GDPD4: variants seen among roughly 807,000 people sequenced by gnomAD.
GDPD4 encodes glycerophosphodiester phosphodiesterase 6.
GDPD4 carries 60 observed loss-of-function variants against 67.8 expected under a neutral mutation model. The ratio of observed to expected loss-of-function variants is 0.88; its 90% CI spans 0.72 to 1.10. The LOEUF (loss-of-function observed/expected upper bound fraction) is 1.10. Ranked by LOEUF, GDPD4 falls within the 50% of genes least tolerant of loss-of-function variation. GDPD4 has a pLI of 0.00. For synonymous variants in GDPD4, 212 were observed against 210.9 expected (o/e 1.00, Z -0.04); for missense variants, 623 against 613.9 (o/e 1.01, Z -0.16).
At chr11:77,259,707 A>AG (rs1368506638) in intron 10 of GDPD4, among the ~76,000 whole-genome samples, 1 of 152,106 alleles carries the variant, frequency 6.6e-6, no homozygotes, top group East Asian at 1.9e-4. Flanking sequence ...GATTAGAGTA[A>AG]GGGGGGAGCC....
intron 10 of GDPD4, among the ~76,000 whole-genome samples, chr11:77,260,747 A>T (rs1471176359): frequency 6.7e-6 from 1 of 149,796 alleles, no homozygotes; most frequent in Non-Finnish European, 1.5e-5. Flanking sequence ...TAGAGATAAG[A>T]TATAATAACT....
Position 77,217,009 on chromosome 11 carries a change from G to A in GDPD4, c.*268C>T, listed in dbSNP as rs1958133120. The A allele has an allele frequency of 1.4e-6, 1 of 703,286 alleles. No homozygotes were observed. The highest frequency in any genetic ancestry group is 1.5e-5 in the South Asian group (1 of 67,600). 43.6% of individuals were successfully genotyped at this position (703,286 alleles called of 1,614,324 possible). On this transcript the variant is annotated 3_prime_UTR_variant, in exon 17 of 17. Transcript: ENST00000315938. ...TCAGGGTGGGCAATGTAGTTTGAAA[G>A]GTAGCCTCACTTGTAGCCTGCCTGG... is the stretch of plus-strand genomic sequence containing the variant.
At chr11:77,285,313 G>T in intron 2 of GDPD4, 126 bp from the exon 3 acceptor site, 1 of 586,656 alleles carries the variant, frequency 1.7e-6, no homozygotes. Flanking sequence ...AGGCTGGAGT[G>T]ATCACTCTCT....
At chr11:77,301,266 C>A (rs192610582) in intron 1 of GDPD4, among the ~76,000 whole-genome samples, 1 of 152,174 alleles carries the variant, frequency 6.6e-6, no homozygotes, top group African/African-American at 2.4e-5. Flanking sequence ...ATCGATTCCT[C>A]CTGCAATCTG....
intron 5 of GDPD4, among the ~76,000 whole-genome samples, chr11:77,275,488 A>G (rs2135877987): frequency 6.6e-6 from 1 of 152,350 alleles, no homozygotes; most frequent in East Asian, 1.9e-4. Flanking sequence ...TGACTCCACC[A>G]AGAGAGTTAT....
intron 16 of GDPD4, among the ~76,000 whole-genome samples, chr11:77,220,804 G>A (rs1256888976): frequency 6.6e-6 from 1 of 151,950 alleles, no homozygotes; most frequent in Non-Finnish European, 1.5e-5. Context: ...TTGTATCTCT[G>A]GTAGAATTCA....
At chr11:77,267,654 T>C (rs996725942) in intron 10 of GDPD4, among the ~76,000 whole-genome samples, 2 of 152,256 alleles carry the variant, frequency 1.3e-5, no homozygotes, top group African/African-American at 4.8e-5. Flanking sequence ...GTTTGGTTTG[T>C]ATTTGTTTTT....
intron 11 of GDPD4, among the ~76,000 whole-genome samples, chr11:77,251,635 G>C (rs558570328): frequency 6.6e-6 from 1 of 152,022 alleles, no homozygotes; most frequent in Admixed American, 6.6e-5. Flanking sequence ...AGAATTATTT[G>C]TCTTTGACTT....
intron 13 of GDPD4, among the ~76,000 whole-genome samples, chr11:77,240,130 T>TTA: frequency 6.6e-6 from 1 of 150,654 alleles, no homozygotes; most frequent in South Asian, 2.1e-4. Flanking sequence ...TTCACAGAAA[T>TTA]AAAAAAAAAA....
At chr11:77,237,246 G>T (rs1023826038) in intron 13 of GDPD4, among the ~76,000 whole-genome samples, 19 of 152,236 alleles carry the variant, frequency 1.2e-4, no homozygotes, top group African/African-American at 4.1e-4. Context: ...TACCTGCACA[G>T]CCACAATCAA....
chr11:77,223,314 T>C (rs1258779349), intron 16 of GDPD4, among the ~76,000 whole-genome samples: 1 of 152,180 alleles, frequency 6.6e-6, no homozygotes, highest in African/African-American at 2.4e-5. Context: ...TTTCTCCCCA[T>C]CTTTGTGGTT....
chr11:77,233,170 T>A lies in GDPD4; in HGVS notation c.1244A>T (p.Asp415Val). The part of the protein sequence containing the change: ...YKKLFPNGLR[D>V]YKAANIHINV... ...GATATGGATGTTAGCTGCTTTATAA[T>A]CTCTGGAACAAAAACAGAACCCACA... The change falls in exon 14 of 17, where the codon GAT (aspartate) becomes GTT (valine). Residue 415 changes from aspartate to valine, a missense_variant and splice_region_variant. Physicochemically the swap from Asp to Val is radical, Grantham distance 152. Transcript: ENST00000315938. 5.0e-6 allele frequency: 8 copies of A among 1,613,084 alleles called. No individual in the cohort carries two copies. The highest frequency in any genetic ancestry group is 6.8e-6 in the Non-Finnish European group (8 of 1,179,204).
chr11:77,222,917 G>A (rs1958255922), intron 16 of GDPD4, among the ~76,000 whole-genome samples: 1 of 152,102 alleles, frequency 6.6e-6, no homozygotes, highest in Non-Finnish European at 1.5e-5. Context: ...TTTCTTGGAG[G>A]CTTTGTTCAT....
chr11:77,274,371 G>A (rs1374722956), intron 5 of GDPD4, among the ~76,000 whole-genome samples: 2 of 152,186 alleles, frequency 1.3e-5, no homozygotes, highest in African/African-American at 4.8e-5. Flanking sequence ...GGTGGGCATA[G>A]TGGGAGGTGT....
chr11:77,237,290 G>C (rs192159579), intron 13 of GDPD4, among the ~76,000 whole-genome samples: 22 of 152,262 alleles, frequency 1.4e-4, no homozygotes, highest in Non-Finnish European at 2.9e-5. Flanking sequence ...CCTCTTGATT[G>C]CCTGCTGTAT....
At chr11:77,226,191 T>C (rs1958334250) in intron 16 of GDPD4, among the ~76,000 whole-genome samples, 1 of 152,194 alleles carries the variant, frequency 6.6e-6, no homozygotes. Flanking sequence ...TCAAAACTTC[T>C]TTCCCAGCCA....
intron 11 of GDPD4, 67 bp downstream of exon 11, chr11:77,258,308 GCCTTTATTTTC>G: frequency 7.4e-7 from 1 of 1,357,364 alleles, no homozygotes; most frequent in South Asian, 1.2e-5. Context: ...TTCATCTATG[GCCTTTATTTTC>G]AGGAGCAGCA....
intron 11 of GDPD4, among the ~76,000 whole-genome samples, chr11:77,250,437 G>A (rs1025461522): frequency 1.6e-4 from 25 of 152,122 alleles, no homozygotes; most frequent in Non-Finnish European, 3.1e-4. Context: ...TTTTATAAGT[G>A]CATAGTATTT....
intron 16 of GDPD4, among the ~76,000 whole-genome samples, chr11:77,221,593 G>C (rs1253027065): frequency 6.6e-6 from 1 of 152,204 alleles, no homozygotes; most frequent in East Asian, 1.9e-4. Flanking sequence ...TGTGGTCTGA[G>C]AGACAGTTTG....
Sources: allele counts gnomAD v4.1 joint callset (sites outside exome capture counted in the v4.1 genomes callset), GRCh38; gene constraint gnomAD v4.1.1; transcripts MANE v1.5; gene names NCBI Gene and HGNC (gene_info 2026-07-23, HGNC 2026-07-21).